Variants in SRMS observed in about 807,000 individuals in gnomAD.
SRMS encodes src-related kinase lacking C-terminal regulatory tyrosine and N-terminal myristylation sites, also known as tyrosine-protein kinase Srms.
Under a neutral mutation model 43.5 loss-of-function variants are expected in SRMS, and 42 were observed. That is an observed-to-expected ratio of 0.97 (90% confidence interval 0.75 to 1.25). SRMS has a LOEUF of 1.25. SRMS is among the 50% of genes most tolerant of loss of function. The pLI is 0.00. For missense variants in SRMS, 703 were observed against 681.0 expected (o/e 1.03, Z -0.36); for synonymous variants, 316 against 308.2 (o/e 1.03, Z -0.27).
In SRMS at chr20:63,540,317, G is replaced by C. The variant is rs2082695985; in HGVS notation, c.*501C>G. 6.6e-6 allele frequency among the ~76,000 whole-genome samples: 1 copy of C among 152,226 alleles called. No individual in the cohort carries two copies. The highest frequency in any genetic ancestry group is 2.4e-5 in the African/African-American group (1 of 41,446). On this transcript the variant is annotated 3_prime_UTR_variant, in exon 8 of 8. Coordinates refer to ENST00000217188, the MANE Select transcript of SRMS (RefSeq NM_080823.4). Reference sequence around the variant, plus strand: ...GCACTGGTCATTTCCACAAACCCAAGCTGGGACTAGGGAGAGAACTGGGCC... The same window carrying C: ...GCACTGGTCATTTCCACAAACCCAACCTGGGACTAGGGAGAGAACTGGGCC...
chr20:63,544,103 C>T, intron 2 of SRMS, 124 bp downstream of exon 2: 1 of 1,183,864 alleles, frequency 8.4e-7, no homozygotes, highest in Non-Finnish European at 1.1e-6. Context: ...AGCATATCTG[C>T]TGTTGGGCCC....
chr20:63,545,761 C>G (rs1032047389), intron 1 of SRMS, among the ~76,000 whole-genome samples: 3 of 152,166 alleles, frequency 2.0e-5, no homozygotes, highest in Non-Finnish European at 4.4e-5. Flanking sequence ...GTCCATGGAG[C>G]TCCTCCTGCA....
chr20:63,547,449 G>A lies in SRMS; in HGVS notation c.15C>T (p.Leu5=). 5.3e-6 allele frequency: 8 copies of A among 1,515,244 alleles called. No homozygotes were observed. Among genetic ancestry groups the A allele is most frequent in the Non-Finnish European group, 7.1e-6 (8 of 1,129,106 alleles). 93.9% of individuals were successfully genotyped at this position (1,515,244 alleles called of 1,614,324 possible). A position where few individuals can be genotyped will look rare whatever the true frequency, so the allele number is the denominator to read the frequency against. MEPF[L]RRRLAFLSFF... ...AGGACAGGAAGGCCAGCCGCCTCCT[G>A]AGGAACGGCTCCATCCCCCGGGGTC... Residue 5 remains leucine, a synonymous_variant, in exon 1 of 8, where the codon CTC becomes CTT. Coordinates refer to ENST00000217188, the MANE Select transcript of SRMS (RefSeq NM_080823.4).
At chr20:63,541,692 A>T in intron 5 of SRMS, 72 bp from the exon 6 acceptor site, 3 of 1,419,220 alleles carry the variant, frequency 2.1e-6, no homozygotes, top group Non-Finnish European at 2.8e-6. Context: ...CACCCACGTC[A>T]CCTTCCCCCA....
chr20:63,547,207 C>G lies in SRMS; in HGVS notation c.257G>C (p.Gly86Ala). The G allele has an allele frequency of 6.2e-7, 1 of 1,612,214 alleles. No homozygotes were observed. The highest frequency in any genetic ancestry group is 1.3e-5 in the African/African-American group (1 of 75,016). The change falls in exon 1 of 8, where the codon GGC (glycine) becomes GCC (alanine). Residue 86 changes from glycine to alanine, a missense_variant. By Grantham distance (60) the Gly-to-Ala change is moderately conservative. Coordinates refer to ENST00000217188, the MANE Select transcript of SRMS (RefSeq NM_080823.4). ...DRLCALEEGGGYIFARRLSGQ... is the reference protein window; with the variant it reads ...DRLCALEEGGAYIFARRLSGQ... ...CGAAAGCCTGCGTGCGAAGATGTAG[C>G]CGCCCCCCTCTTCGAGGGCACAGAG...
At chr20:63,543,007 G>A (rs2082712756) in intron 3 of SRMS, among the ~76,000 whole-genome samples, 1 of 152,102 alleles carries the variant, frequency 6.6e-6, no homozygotes. Context: ...GGGCAGCCTT[G>A]AGTGCCTTCC....
intron 2 of SRMS, among the ~76,000 whole-genome samples, chr20:63,543,960 T>C (rs946787589): frequency 2.1e-5 from 3 of 141,734 alleles, no homozygotes; most frequent in Non-Finnish European, 4.5e-5. Flanking sequence ...GTGAATGAGA[T>C]GAATGGATGA....
At position 63,539,606 on chromosome 20, in the gene SRMS, C is replaced by T. The variant is rs2082691449; in HGVS notation, c.*1212G>A. Among the ~76,000 whole-genome samples the T allele has an allele frequency of 6.6e-6, 1 of 152,212 alleles. No individual in the cohort carries two copies. On this transcript the variant is annotated 3_prime_UTR_variant, in exon 8 of 8. Coordinates refer to ENST00000217188, the MANE Select transcript of SRMS (RefSeq NM_080823.4). Reference sequence around the variant, plus strand: ...GGCCACAAACAGACCCCACCGGCCCCCTTGCTTCTTGACGTGTTTCACGAA... The same window carrying T: ...GGCCACAAACAGACCCCACCGGCCCTCTTGCTTCTTGACGTGTTTCACGAA...
In SRMS at chr20:63,544,297, G is replaced by A; in HGVS notation, c.408C>T (p.Ser136=). The change falls in exon 2 of 8, where the codon TCC becomes TCT. Residue 136 remains serine, a synonymous_variant. Coordinates refer to ENST00000217188, the MANE Select transcript of SRMS (RefSeq NM_080823.4). Reference sequence around the variant, plus strand: ...GGAAGGCCCCTGGTTCGTTGGGTGGGGAGAGGAGCAGCTGCTGTGCCTGGG... The same window carrying A: ...GGAAGGCCCCTGGTTCGTTGGGTGGAGAGAGGAGCAGCTGCTGTGCCTGGG... The part of the protein sequence containing the change: ...SRTQAQQLLL[S]PPNEPGAFLI... 1 of 1,484,938 alleles carries A rather than the reference G, an allele frequency of 6.7e-7. No individual in the cohort carries two copies. The highest frequency in any genetic ancestry group is 1.3e-5 in the South Asian group (1 of 76,452). The allele number at this position is 1,484,938 out of a possible 1,614,324, so 92.0% of individuals were successfully genotyped here.
chr20:63,543,031 A>G (rs572487627), intron 3 of SRMS, among the ~76,000 whole-genome samples: 1 of 151,786 alleles, frequency 6.6e-6, no homozygotes, highest in East Asian at 1.9e-4. Flanking sequence ...AACTGGCCCC[A>G]CCCTCCTGGC....
At chr20:63,544,646 ACAGT>A (rs72097319) in intron 1 of SRMS, among the ~76,000 whole-genome samples, 4,372 of 152,338 alleles carry the variant, frequency 0.029, 74 homozygotes, top group African/African-American at 0.051. Context: ...CCACAGGTTA[ACAGT>A]CAGCCCTGGC....
At position 63,541,190 on chromosome 20, in the gene SRMS, C is replaced by A. The variant is rs1468997426; in HGVS notation, c.1285+1G>T. 3 of 1,552,716 alleles carry A rather than the reference C, an allele frequency of 1.9e-6. No homozygotes were observed. The highest frequency in any genetic ancestry group is 2.6e-6 in the Non-Finnish European group (3 of 1,153,760). On this transcript the variant is annotated splice_donor_variant, in intron 7 of 7. Coordinates refer to ENST00000217188, the MANE Select transcript of SRMS (RefSeq NM_080823.4). LOFTEE classifies it high-confidence loss of function. ...CTCCCTCTGGCTGCCTGGGGACCCACCTTCATAGGGACACTGGCCATAGGT... is the reference window on the plus strand; with the variant it reads ...CTCCCTCTGGCTGCCTGGGGACCCAACTTCATAGGGACACTGGCCATAGGT...
chr20:63,546,988 T>A (rs1453010959), intron 1 of SRMS, 120 bp downstream of exon 1: 8 of 946,688 alleles, frequency 8.5e-6, no homozygotes, highest in Non-Finnish European at 1.2e-5. Context: ...AATGCGTGGA[T>A]GAACGAATGA....
Position 63,547,507 on chromosome 20 carries a change from C to G in SRMS, c.-44G>C, listed in dbSNP as rs201608831. 1.4e-6 allele frequency: 2 copies of G among 1,427,436 alleles called. No homozygotes were observed. The highest frequency in any genetic ancestry group is 1.8e-6 in the Non-Finnish European group (2 of 1,087,976). 88.4% of individuals were successfully genotyped at this position (1,427,436 alleles called of 1,614,324 possible). ...TGGGCCCGAGGGCCATGGGAGCCCG[C>G]GAGCCCGGAAGAGGAACTGGCAGGG... is the stretch of plus-strand genomic sequence containing the variant. On this transcript the variant is annotated 5_prime_UTR_variant, in exon 1 of 8. Transcript: ENST00000217188.
intron 6 of SRMS, 31 bp downstream of exon 6, chr20:63,541,408 T>G: frequency 6.4e-7 from 1 of 1,572,212 alleles, no homozygotes; most frequent in Non-Finnish European, 8.6e-7. Flanking sequence ...ACCCACCCCC[T>G]CTGGGTCAGG....
At chr20:63,541,414 T>C in intron 6 of SRMS, 25 bp downstream of exon 6, 2 of 1,577,526 alleles carry the variant, frequency 1.3e-6, no homozygotes, top group African/African-American at 2.7e-5. Flanking sequence ...CCCCTCTGGG[T>C]CAGGGGCCCA....
rs996909836 is a variant in SRMS at position 63,539,628 on chromosome 20, C to T, written c.*1190G>A. Among the ~76,000 whole-genome samples, 2 of 152,142 alleles carry T rather than the reference C, an allele frequency of 1.3e-5. No individual in the cohort carries two copies. Among genetic ancestry groups the T allele is most frequent in the African/African-American group, 2.4e-5 (1 of 41,436 alleles). On this transcript the variant is annotated 3_prime_UTR_variant, in exon 8 of 8. Transcript: ENST00000217188. The stretch of plus-strand genomic sequence containing the variant: ...CCCCCTTGCTTCTTGACGTGTTTCA[C>T]GAAGACCTGAGCAGAAGCTTCCCTG...
In SRMS at chr20:63,540,733, C is replaced by G. The variant is rs2082698205; in HGVS notation, c.*85G>C. ...CACAGCCAGAGGCTCCTCGGTCCGG[C>G]AGACCGGCATCCCTTCGAGTTGGCG... On this transcript the variant is annotated 3_prime_UTR_variant, in exon 8 of 8. Coordinates refer to ENST00000217188, the MANE Select transcript of SRMS (RefSeq NM_080823.4). 6.7e-7 allele frequency: 1 copy of G among 1,482,490 alleles called. No individual in the cohort carries two copies. The highest frequency in any genetic ancestry group is 1.4e-5 in the African/African-American group (1 of 70,624). 91.8% of individuals were successfully genotyped at this position (1,482,490 alleles called of 1,614,324 possible). A position where few individuals can be genotyped will look rare whatever the true frequency, so the allele number is the denominator to read the frequency against.
At chr20:63,542,049 C>T (rs1022788534) in intron 5 of SRMS, 114 bp downstream of exon 5, 6 of 1,445,214 alleles carry the variant, frequency 4.2e-6, no homozygotes, top group Admixed American at 4.5e-5. Flanking sequence ...GCCACCTGCT[C>T]CCGGTAGAGA....
Sources: gnomAD v4.1 joint callset for allele counts (sites outside exome capture counted in the v4.1 genomes callset) on GRCh38, gnomAD v4.1.1 for gene constraint, MANE v1.5 for transcripts, NCBI Gene and HGNC (gene_info 2026-07-23, HGNC 2026-07-21) for gene names.